The following PANK2 variants were observed in gnomAD, a reference collection of about 807,000 sequenced individuals.
The protein encoded by PANK2 is pantothenate kinase 2.
Under a neutral mutation model 43.1 loss-of-function variants are expected in PANK2, and 36 were observed. That is an observed-to-expected ratio of 0.84 (90% CI 0.64 to 1.10). The LOEUF (loss-of-function observed/expected upper bound fraction) is 1.10. PANK2 is among the 50% of genes least tolerant of loss of function. The pLI is 0.00. For missense variants in PANK2, 576 were observed against 593.3 expected (o/e 0.97, Z 0.30); for synonymous variants, 281 against 238.2 (o/e 1.18, Z -1.66).
rs553645520 is a variant in PANK2 at position 3,929,834 on chromosome 20, C to G, written c.*6540C>G. ...GAGGGACTGCAGATTCTGATTTGTACAGAAAACTAAAATTTCAGTATGTTG... is the reference window on the plus strand; with the variant it reads ...GAGGGACTGCAGATTCTGATTTGTAGAGAAAACTAAAATTTCAGTATGTTG... On this transcript the variant is annotated 3_prime_UTR_variant, in exon 7 of 7. Coordinates refer to ENST00000610179, the MANE Select transcript of PANK2 (RefSeq NM_001386393.1). 1 of 152,192 alleles carries G rather than the reference C, an allele frequency of 6.6e-6. No homozygotes were observed. The highest frequency in any genetic ancestry group is 1.9e-4 in the East Asian group (1 of 5,200). 9.4% of individuals were successfully genotyped at this position (152,192 alleles called of 1,614,324 possible).
chr20:3,899,581 A>G (rs2090266670), intron 1 of PANK2, among the ~76,000 whole-genome samples: 1 of 151,714 alleles, frequency 6.6e-6, no homozygotes, highest in East Asian at 1.9e-4. Flanking sequence ...TGTGCAATCT[A>G]CAAATTCCTG....
intron 1 of PANK2, among the ~76,000 whole-genome samples, chr20:3,896,769 A>G (rs1315713516): frequency 6.6e-6 from 1 of 152,170 alleles, no homozygotes; most frequent in Non-Finnish European, 1.5e-5. Context: ...AGAGCACAGA[A>G]GTTCCGTGTC....
intron 2 of PANK2, chr20:3,908,711 A>T: frequency 4.4e-6 from 1 of 228,732 alleles, no homozygotes; most frequent in South Asian, 5.7e-5. Context: ...AAAATAAGGA[A>T]CTCTGGTCAA....
chr20:3,907,963 G>A lies in PANK2; in HGVS notation c.336G>A (p.Leu112=), dbSNP rs755480387. The A allele has an allele frequency of 6.1e-5, 99 of 1,613,984 alleles. No individual in the cohort carries two copies. Among genetic ancestry groups the A allele is most frequent in the Non-Finnish European group, 8.1e-5 (96 of 1,180,036 alleles). The change falls in exon 2 of 7, where the codon CTG becomes CTA. Residue 112 remains leucine (L), a synonymous_variant. Transcript: ENST00000610179. ...TTGGACTGGATATCGGTGGAACTCT[G>A]GTCAAGCTGGTATATTTTGAACCCA...
intron 6 of PANK2, among the ~76,000 whole-genome samples, chr20:3,920,510 C>CT (rs2146897621): frequency 6.7e-6 from 1 of 148,976 alleles, no homozygotes; most frequent in East Asian, 2.0e-4. Context: ...GAACGAGACT[C>CT]TGTCTCAAAA....
intron 1 of PANK2, among the ~76,000 whole-genome samples, chr20:3,892,012 C>T (rs561233730): frequency 6.6e-6 from 1 of 152,170 alleles, no homozygotes; most frequent in Non-Finnish European, 1.5e-5. Context: ...CCATTTGTTT[C>T]TTCTGTACTA....
chr20:3,889,710 C>G lies in PANK2; in HGVS notation c.280C>G (p.Leu94Val). Reference sequence around the variant, plus strand: ...GGTCTCCCGCCAGCGCGTCGAAAGCCTGAGGAAAAAGCGGCCGCGTAAGTG... The same window carrying G: ...GGTCTCCCGCCAGCGCGTCGAAAGCGTGAGGAAAAAGCGGCCGCGTAAGTG... The change falls in exon 1 of 7, where the codon CTG (leucine) becomes GTG (valine). Residue 94 changes from leucine to valine, a missense_variant. By Grantham distance (32) the Leu-to-Val change is conservative. This residue lies in a region of PANK2 where 544 missense variants were observed against 528.9 expected (regional missense o/e 1.03). Transcript: ENST00000610179. The G allele has an allele frequency of 1.9e-6, 3 of 1,596,488 alleles. No homozygotes were observed. Among genetic ancestry groups the G allele is most frequent in the Non-Finnish European group, 2.5e-6 (3 of 1,179,254 alleles).
Position 3,927,671 on chromosome 20 carries a change from C to T in PANK2, c.*4377C>T, listed in dbSNP as rs1041268052. On this transcript the variant is annotated 3_prime_UTR_variant, in exon 7 of 7. Coordinates refer to ENST00000610179, the MANE Select transcript of PANK2 (RefSeq NM_001386393.1). The stretch of plus-strand genomic sequence containing the variant: ...AACACTCTAGGAAGACCAGCTGTCA[C>T]CAGAAGGGAGTTCCTAACACTTGCC... 2 of 152,182 alleles carry T rather than the reference C, an allele frequency of 1.3e-5. No homozygotes were observed. Among genetic ancestry groups the T allele is most frequent in the African/African-American group, 4.8e-5 (2 of 41,430 alleles). 9.4% of individuals were successfully genotyped at this position (152,182 alleles called of 1,614,324 possible). A position where few individuals can be genotyped will look rare whatever the true frequency, so the allele number is the denominator to read the frequency against.
At chr20:3,893,916 T>TTTTG (rs920875757) in intron 1 of PANK2, among the ~76,000 whole-genome samples, 1 of 134,178 alleles carries the variant, frequency 7.5e-6, no homozygotes, top group African/African-American at 2.7e-5. Context: ...GGAGTTTTTT[T>TTTTG]TTTGTTTGTT....
intron 1 of PANK2, 141 bp downstream of exon 1, chr20:3,889,869 C>G (rs1441619607): frequency 1.3e-6 from 2 of 1,532,832 alleles, no homozygotes; most frequent in Non-Finnish European, 8.7e-7. Context: ...CGTGGCCTGA[C>G]ATCCGGCTGG....
chr20:3,904,487 A>C lies in PANK2; in HGVS notation c.299-3439A>C, dbSNP rs148679832. Among the ~76,000 whole-genome samples the C allele has an allele frequency of 9.5e-3, 1,434 of 150,844 alleles. 14 individuals are homozygous for C. Among genetic ancestry groups the C allele is most frequent in the Non-Finnish European group, 0.012 (802 of 67,810 alleles). ...GATGATGAGGCAGGAGGATTGCTTG[A>C]GCCCAGGAGTTCAAGGTTACAGTCA... On this transcript the variant is annotated intron_variant, in intron 1 of 6. Transcript: ENST00000610179.
chr20:3,917,147 G>A, intron 5 of PANK2, 97 bp downstream of exon 5: 1 of 1,468,466 alleles, frequency 6.8e-7, no homozygotes, highest in Non-Finnish European at 9.5e-7. Flanking sequence ...CCTAAATGTA[G>A]TCATTTGGGG....
chr20:3,908,558 A>G (rs953319537), intron 2 of PANK2: 7 of 434,126 alleles, frequency 1.6e-5, no homozygotes, highest in East Asian at 8.7e-5. Flanking sequence ...GAAACTACCT[A>G]AAAGGAACAT....
Position 3,923,545 on chromosome 20 carries a change from A to T in PANK2, c.*251A>T. 1.8e-6 allele frequency: 1 copy of T among 557,504 alleles called. No homozygotes were observed. The highest frequency in any genetic ancestry group is 3.2e-6 in the Non-Finnish European group (1 of 312,230). The allele number at this position is 557,504 out of a possible 1,614,324, so 34.5% of individuals were successfully genotyped here. A position where few individuals can be genotyped will look rare whatever the true frequency, so the allele number is the denominator to read the frequency against. ...GCAGTGTGAGGATTTGCTGTATATA[A>T]GTTGCCTGCTTTGTATTTTTGAAAT... is the stretch of plus-strand genomic sequence containing the variant. On this transcript the variant is annotated 3_prime_UTR_variant, in exon 7 of 7. Coordinates refer to ENST00000610179, the MANE Select transcript of PANK2 (RefSeq NM_001386393.1).
At chr20:3,900,896 G>A (rs1229416113) in intron 1 of PANK2, among the ~76,000 whole-genome samples, 1 of 151,830 alleles carries the variant, frequency 6.6e-6, no homozygotes, top group East Asian at 1.9e-4. Context: ...AGCCTACCGA[G>A]TAGCTGGGGT....
At chr20:3,901,987 G>A (rs1362443714) in intron 1 of PANK2, among the ~76,000 whole-genome samples, 1 of 151,786 alleles carries the variant, frequency 6.6e-6, no homozygotes, top group African/African-American at 2.4e-5. Context: ...TTTTCCTTAT[G>A]ATATCTTGAA....
chr20:3,894,239 G>GTTGT (rs370409685), intron 1 of PANK2, among the ~76,000 whole-genome samples: 6 of 137,810 alleles, frequency 4.4e-5, no homozygotes, highest in Non-Finnish European at 6.3e-5. Flanking sequence ...CCGAAAAGAT[G>GTTGT]TTGTTTGTTT....
chr20:3,915,685 T>A (rs1252533965), intron 4 of PANK2, among the ~76,000 whole-genome samples: 1 of 152,178 alleles, frequency 6.6e-6, no homozygotes, highest in Non-Finnish European at 1.5e-5. Flanking sequence ...GTTCATTTCT[T>A]TTTGCGTGTG....
At chr20:3,890,048 C>A in intron 1 of PANK2, 2 of 747,396 alleles carry the variant, frequency 2.7e-6, no homozygotes, top group Admixed American at 6.5e-5. Context: ...CTCGAGAAGG[C>A]TTCTTTTGAC....
Sources: allele counts gnomAD v4.1 joint callset (sites outside exome capture counted in the v4.1 genomes callset), GRCh38; gene constraint gnomAD v4.1.1; regional missense constraint gnomAD v4.1.1; transcripts MANE v1.5; gene names NCBI Gene and HGNC (gene_info 2026-07-23, HGNC 2026-07-21).